PALS1: variants seen among roughly 807,000 people sequenced by gnomAD.
PALS1 encodes protein PALS1.
Under a neutral mutation model 78.9 loss-of-function variants are expected in PALS1, and 31 were observed. The ratio of observed to expected loss-of-function variants is 0.39; its 90% CI spans 0.30 to 0.53. The LOEUF (loss-of-function observed/expected upper bound fraction) is 0.53. Ranked by LOEUF, PALS1 falls within the 20% of genes least tolerant of loss-of-function variation. The pLI is 0.67. For synonymous variants in PALS1, 276 were observed against 270.9 expected (o/e 1.02, Z -0.18); for missense variants, 704 against 826.5 (o/e 0.85, Z 1.82).
chr14:67,311,310 CAAAAA>C (rs1164347381), intron 8 of PALS1, among the ~76,000 whole-genome samples: 1 of 63,956 alleles, frequency 1.6e-5, no homozygotes, highest in East Asian at 3.3e-4. Context: ...GACTCCGTCT[CAAAAA>C]AAAAAAAAAA....
chr14:67,242,203 C>T (rs191670422), intron 1 of PALS1, among the ~76,000 whole-genome samples: 1 of 152,296 alleles, frequency 6.6e-6, no homozygotes, highest in Non-Finnish European at 1.5e-5. Flanking sequence ...CATAACTCAC[C>T]TTCTGTTGAT....
chr14:67,335,650 T>C lies in PALS1; in HGVS notation c.*2694T>C, dbSNP rs1455837897. On this transcript the variant is annotated 3_prime_UTR_variant, in exon 15 of 15. Coordinates refer to ENST00000261681, the MANE Select transcript of PALS1 (RefSeq NM_022474.4). ...ATTTGAATGTAATTTTGTGAATGTG[T>C]GGAAAATATAAAGCAGGGATTTAGC... The C allele has an allele frequency of 6.5e-6, 1 of 152,672 alleles. No homozygotes were observed. Among genetic ancestry groups the C allele is most frequent in the African/African-American group, 2.4e-5 (1 of 41,456 alleles). 9.5% of individuals were successfully genotyped at this position (152,672 alleles called of 1,614,324 possible). A position where few individuals can be genotyped will look rare whatever the true frequency, so the allele number is the denominator to read the frequency against.
chr14:67,295,562 C>T (rs2084836580), intron 4 of PALS1, among the ~76,000 whole-genome samples: 1 of 151,028 alleles, frequency 6.6e-6, no homozygotes, highest in South Asian at 2.1e-4. Context: ...ACAACAGTCA[C>T]TTCACAAAAA....
intron 14 of PALS1, among the ~76,000 whole-genome samples, chr14:67,326,367 G>A (rs1023051630): frequency 2.7e-5 from 4 of 149,844 alleles, no homozygotes; most frequent in African/African-American, 9.8e-5. Context: ...ATGTGCCACA[G>A]GTCCTAGCTT....
intron 8 of PALS1, among the ~76,000 whole-genome samples, chr14:67,310,062 C>CT (rs34930516): frequency 0.02 from 2,921 of 143,762 alleles, 38 homozygotes; most frequent in Middle Eastern, 0.037. Context: ...TGCTCAAGCA[C>CT]TTTTTTTTTT....
chr14:67,299,617 A>G (rs2084904610), intron 4 of PALS1, among the ~76,000 whole-genome samples: 1 of 152,238 alleles, frequency 6.6e-6, no homozygotes, highest in African/African-American at 2.4e-5. Flanking sequence ...GGAGCAGTAG[A>G]ATAAAAGAAT....
At chr14:67,323,200 T>G (rs1422003532) in intron 13 of PALS1, among the ~76,000 whole-genome samples, 1 of 147,938 alleles carries the variant, frequency 6.8e-6, no homozygotes, top group East Asian at 2.0e-4. Context: ...GTATTATATG[T>G]GTATATATAT....
intron 8 of PALS1, among the ~76,000 whole-genome samples, chr14:67,305,119 C>A (rs1441047348): frequency 1.3e-5 from 2 of 152,128 alleles, no homozygotes; most frequent in African/African-American, 2.4e-5. Flanking sequence ...GTGCTGTTCC[C>A]TGTATCTCTT....
rs1022772885 is a variant in PALS1, at chr14:67,333,022, C to T, written c.*66C>T. ...AAAAACTGCCAATAGGAGGACTGCC[C>T]GACACTGCAGCAAGATTGAGGATAA... On this transcript the variant is annotated 3_prime_UTR_variant, in exon 15 of 15. Coordinates refer to ENST00000261681, the MANE Select transcript of PALS1 (RefSeq NM_022474.4). The T allele has an allele frequency of 4.3e-6, 6 of 1,391,328 alleles. No individual in the cohort carries two copies. The highest frequency in any genetic ancestry group is 2.6e-5 in the South Asian group (2 of 77,048). 86.2% of individuals were successfully genotyped at this position (1,391,328 alleles called of 1,614,324 possible).
At chr14:67,314,030 A>G (rs1017823697) in intron 9 of PALS1, among the ~76,000 whole-genome samples, 3 of 152,080 alleles carry the variant, frequency 2.0e-5, no homozygotes, top group African/African-American at 4.8e-5. Context: ...AGACCTTTCA[A>G]TGCTTTGCTG....
intron 4 of PALS1, among the ~76,000 whole-genome samples, chr14:67,297,290 A>G (rs945325492): frequency 6.6e-6 from 1 of 152,228 alleles, no homozygotes. Context: ...ATGAAGTTGT[A>G]TAGGAACAGG....
chr14:67,335,140 C>T lies in PALS1; in HGVS notation c.*2184C>T, dbSNP rs550926350. 2 of 152,312 alleles carry T rather than the reference C, an allele frequency of 1.3e-5. No homozygotes were observed. The highest frequency in any genetic ancestry group is 4.8e-5 in the African/African-American group (2 of 41,566). The allele number at this position is 152,312 out of a possible 1,614,324, so 9.4% of individuals were successfully genotyped here. A position where few individuals can be genotyped will look rare whatever the true frequency, so the allele number is the denominator to read the frequency against. ...TCTGAGATGATAAATATTTCAAGGT[C>T]AGTGAAGTCTATCAATCATTCTCCC... On this transcript the variant is annotated 3_prime_UTR_variant, in exon 15 of 15. Transcript: ENST00000261681.
intron 7 of PALS1, among the ~76,000 whole-genome samples, chr14:67,302,878 AG>A (rs1251939931): frequency 1.3e-5 from 2 of 152,216 alleles, no homozygotes; most frequent in East Asian, 3.8e-4. Context: ...CTTGGGAAAC[AG>A]TAACAAAACA....
intron 1 of PALS1, among the ~76,000 whole-genome samples, chr14:67,247,943 A>G (rs1947774342): frequency 6.6e-6 from 1 of 152,140 alleles, no homozygotes; most frequent in African/African-American, 2.4e-5. Context: ...TATTAGCTGT[A>G]GGTCATTTTG....
chr14:67,241,530 G>C lies in PALS1; in HGVS notation c.-240G>C, dbSNP rs576053105. Reference sequence around the variant, plus strand: ...GGGAGGCTCCGCGGAGCCGAGGCGTGGAGGTAAGAGGCGGATCGGCGGCGG... The same window carrying C: ...GGGAGGCTCCGCGGAGCCGAGGCGTCGAGGTAAGAGGCGGATCGGCGGCGG... On this transcript the variant is annotated 5_prime_UTR_variant, in exon 1 of 15. Transcript: ENST00000261681. The C allele has an allele frequency of 6.5e-6, 1 of 152,946 alleles. No homozygotes were observed. The highest frequency in any genetic ancestry group is 1.5e-5 in the Non-Finnish European group (1 of 68,784). The allele number at this position is 152,946 out of a possible 1,614,324, so 9.5% of individuals were successfully genotyped here.
rs554874158 is a variant in PALS1 at position 67,257,717 on chromosome 14, A to G, written c.-236-11984A>G. ...TTTATACATGTCACTAGAAATATGA[A>G]GGTAAGTTTAAGAAGAAACTGAGAG... On this transcript the variant is annotated intron_variant, in intron 1 of 14. Coordinates refer to ENST00000261681, the MANE Select transcript of PALS1 (RefSeq NM_022474.4). Among the ~76,000 whole-genome samples, 6 of 152,320 alleles carry G rather than the reference A, an allele frequency of 3.9e-5. No individual in the cohort carries two copies. In the South Asian group the frequency reaches 1.2e-3, roughly 32 times the overall value.
chr14:67,327,396 G>A (rs1335531714), intron 14 of PALS1, among the ~76,000 whole-genome samples: 1 of 151,508 alleles, frequency 6.6e-6, no homozygotes, highest in East Asian at 1.9e-4. Flanking sequence ...GCTCACACCT[G>A]TAATCCCAGC....
Position 67,269,735 on chromosome 14 carries a change from G to A in PALS1, c.-202G>A, listed in dbSNP as rs2084382043. 1 of 152,556 alleles carries A rather than the reference G, an allele frequency of 6.6e-6. No homozygotes were observed. Among genetic ancestry groups the A allele is most frequent in the South Asian group, 2.1e-4 (1 of 4,826 alleles). 9.5% of individuals were successfully genotyped at this position (152,556 alleles called of 1,614,324 possible). A position where few individuals can be genotyped will look rare whatever the true frequency, so the allele number is the denominator to read the frequency against. ...GCCTTGAGTTTTGTGAAAAACCGGAGAAGAGAAACTAAAAGGACAGTAGAA... is the reference window on the plus strand; with the variant it reads ...GCCTTGAGTTTTGTGAAAAACCGGAAAAGAGAAACTAAAAGGACAGTAGAA... On this transcript the variant is annotated 5_prime_UTR_variant, in exon 2 of 15. Coordinates refer to ENST00000261681, the MANE Select transcript of PALS1 (RefSeq NM_022474.4).
chr14:67,303,741 A>C, intron 8 of PALS1, 142 bp downstream of exon 8: 1 of 662,388 alleles, frequency 1.5e-6, no homozygotes, highest in Middle Eastern at 4.2e-4. Context: ...TGAAATATCA[A>C]TGTTTTAAAT....
Sources: allele counts gnomAD v4.1 joint callset (sites outside exome capture counted in the v4.1 genomes callset), GRCh38; gene constraint gnomAD v4.1.1; transcripts MANE v1.5; gene names NCBI Gene and HGNC (gene_info 2026-07-23, HGNC 2026-07-21).